Variants in PARP1 observed in about 807,000 individuals in gnomAD.
PARP1 encodes poly [ADP-ribose] polymerase 1.
A neutral mutation model predicts 118.7 loss-of-function variants in PARP1; 44 were observed. That is an observed-to-expected ratio of 0.37 (90% CI 0.29 to 0.48). The LOEUF (loss-of-function observed/expected upper bound fraction) is 0.48, where lower values mean the gene tolerates loss of function less well. Among genes scored for constraint, PARP1 ranks in the 20% least tolerant of loss-of-function variants. The probability of loss-of-function intolerance (pLI) is 0.99; values close to 1 mark genes in which losing one functional copy is unlikely to be tolerated. For synonymous variants in PARP1, 492 were observed against 483.2 expected, an observed-to-expected ratio of 1.02 and a Z score of -0.24; for missense variants, 1,100 against 1,272.4, an observed-to-expected ratio of 0.86 and a Z score of 2.06.
At chr1:226,379,082 C>T (rs1377400055) in intron 12 of PARP1, 60 bp downstream of exon 12, 23 of 1,609,090 alleles carry the variant, frequency 1.4e-5, no homozygotes, top group Non-Finnish European at 1.7e-5. Context: ...TGGCACAGCA[C>T]TAACCAATGC....
intron 8 of PARP1, 73 bp downstream of exon 8, chr1:226,382,963 C>G (rs1395761273): frequency 2.0e-6 from 3 of 1,525,128 alleles, no homozygotes; most frequent in Non-Finnish European, 1.8e-6. Context: ...TTCACCAGCT[C>G]CACACCACCA....
chr1:226,399,966 G>C (rs1375985314), intron 2 of PARP1, among the ~76,000 whole-genome samples: 1 of 152,184 alleles, frequency 6.6e-6, no homozygotes, highest in African/African-American at 2.4e-5. Flanking sequence ...TCACACCACT[G>C]CACCCCAGCT....
intron 2 of PARP1, among the ~76,000 whole-genome samples, chr1:226,401,453 T>G (rs12134603): frequency 1.3e-5 from 2 of 152,258 alleles, no homozygotes; most frequent in Non-Finnish European, 2.9e-5. Context: ...TATGCAGACA[T>G]GTTAAGAAAC....
chr1:226,361,119 G>A lies in PARP1; in HGVS notation c.*341C>T. ...TGGAAGTGTATTTTTCCTTCCCTGG[G>A]GAAACCAGTAAGGCAGACATTCTAA... On this transcript the variant is annotated 3_prime_UTR_variant, in exon 23 of 23. Coordinates refer to ENST00000366794, the MANE Select transcript of PARP1 (RefSeq NM_001618.4). The A allele has an allele frequency of 2.9e-6, 1 of 347,418 alleles. No individual in the cohort carries two copies. The highest frequency in any genetic ancestry group is 5.3e-6 in the Non-Finnish European group (1 of 188,184). The allele number at this position is 347,418 out of a possible 1,614,324, so 21.5% of individuals were successfully genotyped here.
intron 2 of PARP1, 58 bp downstream of exon 2, chr1:226,402,156 C>T (rs756756986): frequency 6.2e-7 from 1 of 1,614,048 alleles, no homozygotes; most frequent in African/African-American, 1.3e-5. Flanking sequence ...GAGACGAGGC[C>T]CTCCTGGGAG....
At chr1:226,373,914 T>TG (rs1664441756) in intron 14 of PARP1, among the ~76,000 whole-genome samples, 1 of 152,092 alleles carries the variant, frequency 6.6e-6, no homozygotes, top group East Asian at 1.9e-4. Flanking sequence ...GCTCAGCAGT[T>TG]GGAGACCAGC....
At chr1:226,379,836 C>T in intron 10 of PARP1, 86 bp downstream of exon 10, 1 of 1,598,734 alleles carries the variant, frequency 6.3e-7, no homozygotes, top group South Asian at 1.1e-5. Context: ...ATGTCAGGGA[C>T]ACAAAGGGAG....
At chr1:226,378,425 A>C (rs1664536911) in intron 12 of PARP1, among the ~76,000 whole-genome samples, 1 of 152,130 alleles carries the variant, frequency 6.6e-6, no homozygotes, top group Non-Finnish European at 1.5e-5. Context: ...AAAAAGGCAA[A>C]TCCAACCTCT....
chr1:226,385,513 T>C lies in PARP1; in HGVS notation c.1002A>G (p.Val334=). 6.2e-7 allele frequency: 1 copy of C among 1,613,990 alleles called. No individual in the cohort carries two copies. Among genetic ancestry groups the C allele is most frequent in the Non-Finnish European group, 8.5e-7 (1 of 1,179,894 alleles). ...TTCCCCTACCCCTTACCTTTGGGGT[T>C]ACCCACTCCTTCCGGTTGGGTGTCT... ...KTQTPNRKEW[V]TPKEFREISY... is the part of the protein sequence containing the mutation. The change falls in exon 7 of 23, where the codon GTA becomes GTG. Residue 334 remains valine (V), a synonymous_variant. Coordinates refer to ENST00000366794, the MANE Select transcript of PARP1 (RefSeq NM_001618.4).
At chr1:226,388,361 G>C (rs1464185828) in intron 5 of PARP1, among the ~76,000 whole-genome samples, 1 of 152,226 alleles carries the variant, frequency 6.6e-6, no homozygotes, top group African/African-American at 2.4e-5. Flanking sequence ...GCCAAAGCAT[G>C]AATCTCTGTC....
In PARP1 at chr1:226,377,103, G is replaced by A. The variant is rs1342892631; in HGVS notation, c.1941+5C>T. The A allele has an allele frequency of 3.1e-6, 5 of 1,612,274 alleles. No individual in the cohort carries two copies. Among genetic ancestry groups the A allele is most frequent in the Non-Finnish European group, 4.2e-6 (5 of 1,178,940 alleles). On this transcript the variant is annotated splice_donor_5th_base_variant and intron_variant, in intron 13 of 22. Transcript: ENST00000366794. ...GCAGACAGTGTAAGGGCATTATGTG[G>A]TTACCTGGCCATAGTCAATCTCCAG...
intron 4 of PARP1, 37 bp downstream of exon 4, chr1:226,390,373 C>T (rs775309058): frequency 6.3e-7 from 1 of 1,593,694 alleles, no homozygotes; most frequent in Admixed American, 1.7e-5. Context: ...GAACCCCTCA[C>T]TGAACCCCCA....
At chr1:226,405,843 C>T (rs942060860) in intron 1 of PARP1, among the ~76,000 whole-genome samples, 4 of 152,052 alleles carry the variant, frequency 2.6e-5, no homozygotes, top group African/African-American at 7.2e-5. Context: ...TGGCCAGTCA[C>T]GGTGGCTCAT....
chr1:226,379,181 T>C lies in PARP1; in HGVS notation c.1706A>G (p.Tyr569Cys), dbSNP rs781752149. 3.7e-6 allele frequency: 6 copies of C among 1,614,222 alleles called. No homozygotes were observed. The highest frequency in any genetic ancestry group is 1.1e-5 in the South Asian group (1 of 91,088). The part of the protein sequence containing the change: ...LVDIVKGTNS[Y>C]YKLQLLEDDK... ...GTCCTCCAGAAGCTGCAGCTTGTAG[T>C]AGGAGTTGGTTCCTTTAACGATGTC... The change falls in exon 12 of 23, where the codon TAC (tyrosine) becomes TGC (cysteine). Residue 569 changes from tyrosine to cysteine, a missense_variant. By Grantham distance (194) the Tyr-to-Cys change is radical. Coordinates refer to ENST00000366794, the MANE Select transcript of PARP1 (RefSeq NM_001618.4).
rs1664836493 is a variant in PARP1, at chr1:226,392,332, C to G, written c.287-18G>C. 1 of 1,562,666 alleles carries G rather than the reference C, an allele frequency of 6.4e-7. No individual in the cohort carries two copies. Among genetic ancestry groups the G allele is most frequent in the Non-Finnish European group, 8.8e-7 (1 of 1,133,888 alleles). Reference sequence around the variant, plus strand: ...GCCTTTGCCTGGAGAATCAAACAGACAGCAATGCTCATCTCAACAGCCCCA... The same window carrying G: ...GCCTTTGCCTGGAGAATCAAACAGAGAGCAATGCTCATCTCAACAGCCCCA... On this transcript the variant is annotated intron_variant, in intron 2 of 22. Transcript: ENST00000366794.
intron 2 of PARP1, among the ~76,000 whole-genome samples, chr1:226,396,635 C>T (rs778713249): frequency 6.6e-5 from 10 of 152,156 alleles, no homozygotes; most frequent in African/African-American, 1.4e-4. Flanking sequence ...AATCCCTGGA[C>T]AATTAGTAGG....
Position 226,377,280 on chromosome 1 carries a change from C to A in PARP1, c.1769G>T (p.Gly590Val), listed in dbSNP as rs1179612280. The change falls in exon 13 of 23, where the codon GGC becomes GTC. Residue 590 changes from glycine to valine, a missense_variant. Physicochemically the swap from Gly to Val is moderately radical, Grantham distance 109. Around this residue, in one of 2 missense-constraint regions of PARP1, gnomAD observed 948 missense variants for 1,031.8 expected, o/e 0.92. Coordinates refer to ENST00000366794, the MANE Select transcript of PARP1 (RefSeq NM_001618.4). ...ENRYWIFRSW[G>V]RVGTVIGSNK... ...GCTACCGATCACCGTACCCACACGG[C>A]CCCAGGACCTGAATATCCAATACCT... 2 of 1,613,782 alleles carry A rather than the reference C, an allele frequency of 1.2e-6. No individual in the cohort carries two copies. Among genetic ancestry groups the A allele is most frequent in the Non-Finnish European group, 1.7e-6 (2 of 1,179,818 alleles).
chr1:226,405,728 GTT>G (rs1665134674), intron 1 of PARP1, among the ~76,000 whole-genome samples: 1 of 152,180 alleles, frequency 6.6e-6, no homozygotes, highest in Non-Finnish European at 1.5e-5. Context: ...CTTGGGTTTT[GTT>G]TGTCTTTCCA....
At chr1:226,367,357 A>C (rs1576391194) in intron 17 of PARP1, 123 bp downstream of exon 17, 1 of 1,200,408 alleles carries the variant, frequency 8.3e-7, no homozygotes, top group Admixed American at 1.7e-5. Context: ...AAAGTGAATT[A>C]TTGGGCGCCA....
Sources: gnomAD v4.1 joint callset for allele counts (sites outside exome capture counted in the v4.1 genomes callset) on GRCh38, gnomAD v4.1.1 for gene constraint, gnomAD v4.1.1 regional missense constraint, MANE v1.5 for transcripts, NCBI Gene and HGNC (gene_info 2026-07-23, HGNC 2026-07-21) for gene names.